PTGER3: variants seen among roughly 807,000 people sequenced by gnomAD.
The protein encoded by PTGER3 is prostaglandin E receptor 3, also known as prostaglandin E2 receptor EP3 subtype.
Under a neutral mutation model 34.7 loss-of-function variants are expected in PTGER3, and 22 were observed. That is an observed-to-expected ratio of 0.63 (90% CI 0.45 to 0.91). PTGER3 has a LOEUF of 0.91. Among genes scored for constraint, PTGER3 ranks in the 40% least tolerant of loss-of-function variants. The pLI, the probability that PTGER3 is intolerant of heterozygous loss-of-function variation, is 0.00. For synonymous variants in PTGER3, 241 were observed against 230.1 expected (o/e 1.05, Z -0.43); for missense variants, 468 against 519.4 (o/e 0.90, Z 0.96).
At chr1:70,910,588 TA>T (rs1185883570) in intron 4 of PTGER3, among the ~76,000 whole-genome samples, 2 of 152,110 alleles carry the variant, frequency 1.3e-5, no homozygotes, top group African/African-American at 4.8e-5. Context: ...ATGAATACCT[TA>T]AAAAATTCAG....
At chr1:71,040,902 G>T (rs766079892) in intron 1 of PTGER3, among the ~76,000 whole-genome samples, 7 of 152,184 alleles carry the variant, frequency 4.6e-5, no homozygotes, top group Non-Finnish European at 8.8e-5. Context: ...GCCAATCCAA[G>T]AGAGGTGGGT....
At chr1:70,912,163 CA>C (rs34017405) in intron 4 of PTGER3, among the ~76,000 whole-genome samples, 54,871 of 151,774 alleles carry the variant, frequency 0.36, 10,079 homozygotes, top group Middle Eastern at 0.52. Context: ...CAAAATGTTA[CA>C]AAATTATGTG....
At chr1:71,003,293 T>A (rs1450261091) in intron 2 of PTGER3, among the ~76,000 whole-genome samples, 1 of 152,218 alleles carries the variant, frequency 6.6e-6, no homozygotes, top group Non-Finnish European at 1.5e-5. Context: ...TTAGTGCCTA[T>A]AGAAGTATAA....
chr1:70,863,925 G>T (rs1645985291), intron 4 of PTGER3, among the ~76,000 whole-genome samples: 1 of 152,130 alleles, frequency 6.6e-6, no homozygotes, highest in African/African-American at 2.4e-5. Context: ...TCAGGAATTA[G>T]CATGTCATTC....
intron 4 of PTGER3, among the ~76,000 whole-genome samples, chr1:70,891,030 G>T (rs2100274625): frequency 6.6e-6 from 1 of 152,246 alleles, no homozygotes; most frequent in Non-Finnish European, 1.5e-5. Flanking sequence ...TACTCAACGT[G>T]CAAAACTCAG....
At chr1:70,868,895 G>T (rs1370884043) in intron 4 of PTGER3, among the ~76,000 whole-genome samples, 1 of 152,128 alleles carries the variant, frequency 6.6e-6, no homozygotes, top group Admixed American at 6.5e-5. Flanking sequence ...AAGAGATTGG[G>T]TGGTAGACAA....
intron 1 of PTGER3, among the ~76,000 whole-genome samples, chr1:71,015,612 G>A (rs772681160): frequency 2.6e-5 from 4 of 152,090 alleles, no homozygotes; most frequent in Non-Finnish European, 5.9e-5. Flanking sequence ...GATAATGACT[G>A]GTCCCAGTGT....
intron 4 of PTGER3, among the ~76,000 whole-genome samples, chr1:70,908,421 T>A (rs1177172868): frequency 6.6e-6 from 1 of 152,134 alleles, no homozygotes; most frequent in Non-Finnish European, 1.5e-5. Flanking sequence ...TACTGATACC[T>A]CAGCTCCTTC....
intron 4 of PTGER3, among the ~76,000 whole-genome samples, chr1:70,853,862 A>T (rs574330979): frequency 3.3e-5 from 5 of 152,222 alleles, no homozygotes; most frequent in Admixed American, 6.5e-5. Flanking sequence ...CCAAAACCAT[A>T]CAATGGGCTT....
intron 4 of PTGER3, among the ~76,000 whole-genome samples, chr1:70,885,126 G>A (rs1416788615): frequency 6.6e-6 from 1 of 151,722 alleles, no homozygotes; most frequent in Non-Finnish European, 1.5e-5. Flanking sequence ...TAGTGACCAG[G>A]AATAAGTTTT....
At chr1:71,027,651 A>G (rs1659052422) in intron 1 of PTGER3, among the ~76,000 whole-genome samples, 1 of 152,222 alleles carries the variant, frequency 6.6e-6, no homozygotes, top group Non-Finnish European at 1.5e-5. Context: ...AGTCTAATGC[A>G]GTACTATCCA....
chr1:70,896,591 C>G (rs1161387174), intron 4 of PTGER3, among the ~76,000 whole-genome samples: 2 of 152,112 alleles, frequency 1.3e-5, no homozygotes, highest in Non-Finnish European at 2.9e-5. Flanking sequence ...GTTACAGCAG[C>G]CCTAGGAAGC....
intron 2 of PTGER3, among the ~76,000 whole-genome samples, chr1:70,991,353 CTT>C (rs925967641): frequency 6.6e-6 from 1 of 152,206 alleles, no homozygotes; most frequent in African/African-American, 2.4e-5. Context: ...CATTTCCTCT[CTT>C]ATCCTCTCCT....
chr1:70,947,015 A>G (rs1249176529), intron 4 of PTGER3, among the ~76,000 whole-genome samples: 1 of 152,136 alleles, frequency 6.6e-6, no homozygotes, highest in African/African-American at 2.4e-5. Context: ...CAAGAGTTCC[A>G]GGACTAGGTT....
chr1:70,955,964 A>G (rs1274782600), intron 2 of PTGER3, among the ~76,000 whole-genome samples: 3 of 152,172 alleles, frequency 2.0e-5, no homozygotes, highest in Non-Finnish European at 2.9e-5. Context: ...TCTTAACTGG[A>G]CTTTGGCTGT....
intron 4 of PTGER3, among the ~76,000 whole-genome samples, chr1:70,854,506 G>T (rs1333479494): frequency 6.6e-6 from 1 of 152,126 alleles, no homozygotes; most frequent in East Asian, 1.9e-4. Context: ...GGAGGGGCCT[G>T]GTGGGAGATG....
At chr1:70,852,742 A>G (rs1557602780) in exon 5 of PTGER3, 4 of 1,420,216 alleles carry the variant, frequency 2.8e-6, no homozygotes, top group Non-Finnish European at 3.0e-6. Context: ...GTAAAAGAGA[A>G]TAGTTTGGGA....
rs567566186 is a variant in PTGER3, at chr1:70,853,602, T to C, written c.*24-743A>G. ...ATGAGTGATAATAATATTGTGGTTT[T>C]GTAGTGGGCCATAATTTTTAGAGTT... On this transcript the variant is annotated intron_variant, in intron 4 of 4. Transcript: ENST00000370931. Among the ~76,000 whole-genome samples the C allele has an allele frequency of 2.6e-5, 4 of 152,302 alleles. No homozygotes were observed. The East Asian group carries it at 5.8e-4, about 22-fold the overall frequency.
Position 70,963,748 on chromosome 1 carries a change from C to T in PTGER3, c.1078-9959G>A, listed in dbSNP as rs527881243. On this transcript the variant is annotated intron_variant, in intron 2 of 3. Transcript: ENST00000356595. ...GCTACCAGGAAGGTCTCCAACATGC[C>T]CTGGAGACATTTTTTCCATTTTCTT... is the stretch of plus-strand genomic sequence containing the variant. Among the ~76,000 whole-genome samples, 7 of 152,240 alleles carry T rather than the reference C, an allele frequency of 4.6e-5. 1 individual carries two copies. The South Asian group carries it at 1.0e-3, about 23-fold the overall frequency.
Sources: allele counts gnomAD v4.1 joint callset (sites outside exome capture counted in the v4.1 genomes callset), GRCh38; gene constraint gnomAD v4.1.1; transcripts MANE v1.5; gene names NCBI Gene and HGNC (gene_info 2026-07-23, HGNC 2026-07-21).